Variants in BBOX1 observed in about 807,000 individuals in gnomAD.
BBOX1 encodes gamma-butyrobetaine hydroxylase 1.
A neutral mutation model predicts 41.6 loss-of-function variants in BBOX1; 35 were observed. The observed-to-expected ratio is 0.84, with a 90% CI of 0.64 to 1.11. The LOEUF is 1.11. BBOX1 is among the 50% of genes most tolerant of loss of function. BBOX1 has a pLI of 0.00. For missense variants in BBOX1, 458 were observed against 460.6 expected, an observed-to-expected ratio of 0.99 and a Z score of 0.05; for synonymous variants, 163 against 154.7, an observed-to-expected ratio of 1.05 and a Z score of -0.40.
At chr11:27,055,354 T>C in intron 2 of BBOX1, 39 bp from the exon 3 acceptor site, 2 of 1,455,090 alleles carry the variant, frequency 1.4e-6, no homozygotes, top group Non-Finnish European at 9.5e-7. Flanking sequence ...GTTTAGATCT[T>C]ATCTGCCTGA....
intron 4 of BBOX1, 30 bp downstream of exon 4, chr11:27,057,345 T>A: frequency 6.5e-7 from 1 of 1,526,916 alleles, no homozygotes; most frequent in Non-Finnish European, 9.0e-7. Flanking sequence ...CAATGTCTTT[T>A]TAAACCCTTA....
chr11:27,100,319 T>C (rs1245850792), intron 5 of BBOX1, among the ~76,000 whole-genome samples: 1 of 152,098 alleles, frequency 6.6e-6, no homozygotes, highest in African/African-American at 2.4e-5. Context: ...ATGTTTCTAA[T>C]TAGGAAATTG....
At chr11:27,073,865 A>C (rs546417247) in intron 4 of BBOX1, among the ~76,000 whole-genome samples, 77 of 152,118 alleles carry the variant, frequency 5.1e-4, no homozygotes, top group Non-Finnish European at 8.8e-4. Context: ...CTGAACAATG[A>C]GAACACTTGG....
chr11:27,051,382 T>C (rs1395554569), intron 2 of BBOX1, among the ~76,000 whole-genome samples: 1 of 152,000 alleles, frequency 6.6e-6, no homozygotes, highest in Non-Finnish European at 1.5e-5. Context: ...CTGTCAATTT[T>C]TGGGGAAAAT....
At chr11:27,068,978 A>G in intron 4 of BBOX1, among the ~76,000 whole-genome samples, 1 of 152,032 alleles carries the variant, frequency 6.6e-6, no homozygotes, top group East Asian at 1.9e-4. Context: ...CTATAGCATT[A>G]TAGTAAAATT....
intron 5 of BBOX1, among the ~76,000 whole-genome samples, chr11:27,103,836 G>A (rs1858760223): frequency 6.6e-6 from 1 of 151,948 alleles, no homozygotes; most frequent in African/African-American, 2.4e-5. Flanking sequence ...ATAATTTTGA[G>A]TTTAAACCTT....
intron 4 of BBOX1, among the ~76,000 whole-genome samples, chr11:27,079,296 C>T (rs1857751086): frequency 6.6e-6 from 1 of 152,064 alleles, no homozygotes; most frequent in East Asian, 1.9e-4. Flanking sequence ...CAATTATGAA[C>T]CTAATTCCAA....
intron 4 of BBOX1, among the ~76,000 whole-genome samples, chr11:27,073,387 G>C (rs1449670869): frequency 6.6e-5 from 10 of 152,012 alleles, no homozygotes; most frequent in Non-Finnish European, 1.2e-4. Context: ...AGTTAGAATG[G>C]CGATCATTAA....
intron 2 of BBOX1, among the ~76,000 whole-genome samples, chr11:27,053,551 T>C (rs1856879800): frequency 6.6e-6 from 1 of 152,242 alleles, no homozygotes; most frequent in African/African-American, 2.4e-5. Flanking sequence ...GGTTAAAATG[T>C]ACTACATTTC....
chr11:27,067,433 A>T (rs868729166), intron 4 of BBOX1, among the ~76,000 whole-genome samples: 2 of 151,920 alleles, frequency 1.3e-5, no homozygotes, highest in African/African-American at 2.4e-5. Flanking sequence ...TTGCTTTTGC[A>T]TACCCATAGT....
chr11:27,090,708 C>T (rs531044087), intron 4 of BBOX1, among the ~76,000 whole-genome samples: 1 of 152,000 alleles, frequency 6.6e-6, no homozygotes, highest in South Asian at 2.1e-4. Context: ...TTTTTCCCCA[C>T]ACTAGTAAGC....
chr11:27,115,569 T>C lies in BBOX1; in HGVS notation c.639+12T>C. The C allele has an allele frequency of 6.3e-7, 1 of 1,594,970 alleles. No homozygotes were observed. The highest frequency in any genetic ancestry group is 8.6e-7 in the Non-Finnish European group (1 of 1,166,442). ...ATCATCCACCTGGGGTAAGTGAGCT[T>C]CAACATATTTTCCACAAAGCATGAT... On this transcript the variant is annotated intron_variant, in intron 6 of 8. Transcript: ENST00000263182.
intron 4 of BBOX1, among the ~76,000 whole-genome samples, chr11:27,087,638 T>C (rs979689432): frequency 6.6e-6 from 1 of 152,082 alleles, no homozygotes; most frequent in African/African-American, 2.4e-5. Flanking sequence ...GGTATGTCTA[T>C]ATCCCTGAAA....
At chr11:27,105,473 A>G (rs1450083740) in intron 5 of BBOX1, among the ~76,000 whole-genome samples, 4 of 152,210 alleles carry the variant, frequency 2.6e-5, no homozygotes, top group Non-Finnish European at 5.9e-5. Context: ...AAATTCGATC[A>G]ACTGGAAGAA....
intron 2 of BBOX1, among the ~76,000 whole-genome samples, chr11:27,054,224 TG>T (rs1460085632): frequency 1.3e-5 from 2 of 151,034 alleles, no homozygotes; most frequent in South Asian, 4.3e-4. Context: ...TGTGTGTGTG[TG>T]TGTGTGTGTG....
intron 4 of BBOX1, among the ~76,000 whole-genome samples, chr11:27,076,989 A>G (rs112131088): frequency 6.6e-4 from 101 of 152,200 alleles, no homozygotes; most frequent in African/African-American, 2.2e-3. Context: ...GACAGCTACC[A>G]TGACTTTCAG....
chr11:27,106,707 G>C lies in BBOX1; in HGVS notation c.534-8745G>C, dbSNP rs558268160. 2.0e-5 allele frequency among the ~76,000 whole-genome samples: 3 copies of C among 152,134 alleles called. No homozygotes were observed. In the East Asian group the frequency reaches 5.8e-4, roughly 29 times the overall value. ...ACAGAAAGTTAACAAGGATATCCAG[G>C]AATTGAACTCAGCTCTGCACCAAGG... On this transcript the variant is annotated intron_variant, in intron 5 of 8. Coordinates refer to ENST00000263182, the MANE Select transcript of BBOX1 (RefSeq NM_003986.3).
At chr11:27,124,124 A>G (rs940639793) in intron 7 of BBOX1, among the ~76,000 whole-genome samples, 1 of 152,136 alleles carries the variant, frequency 6.6e-6, no homozygotes, top group Admixed American at 6.5e-5. Context: ...CCATTTGTTG[A>G]TAATATTCAC....
At chr11:27,101,015 C>T (rs1858627562) in intron 5 of BBOX1, among the ~76,000 whole-genome samples, 3 of 152,014 alleles carry the variant, frequency 2.0e-5, no homozygotes, top group African/African-American at 7.2e-5. Context: ...TGAATCTTCA[C>T]AATTCTGAGA....
Sources: gnomAD v4.1 joint callset for allele counts (sites outside exome capture counted in the v4.1 genomes callset) on GRCh38, gnomAD v4.1.1 for gene constraint, MANE v1.5 for transcripts, NCBI Gene and HGNC (gene_info 2026-07-23, HGNC 2026-07-21) for gene names.